Variants in BACE2 observed in about 807,000 individuals in gnomAD.
BACE2 encodes 56 kDa aspartic-like protease.
In BACE2, 17 loss-of-function variants were observed where a neutral mutation model predicts 46.2. The observed-to-expected ratio is 0.37, with a 90% CI of 0.25 to 0.55. The LOEUF (loss-of-function observed/expected upper bound fraction) is 0.55, where lower values mean the gene tolerates loss of function less well. Ranked by LOEUF, BACE2 falls within the 20% of genes least tolerant of loss-of-function variation. The pLI is 0.82. For synonymous variants in BACE2, 277 were observed against 295.9 expected (o/e 0.94, Z 0.66); for missense variants, 595 against 698.1 (o/e 0.85, Z 1.66).
At chr21:41,245,116 A>G (rs1192671392) in intron 5 of BACE2, among the ~76,000 whole-genome samples, 2 of 152,248 alleles carry the variant, frequency 1.3e-5, no homozygotes, top group Non-Finnish European at 2.9e-5. Context: ...GTTAGATTTT[A>G]AATTAAGTTT....
At chr21:41,219,985 C>A (rs1442592209) in intron 1 of BACE2, among the ~76,000 whole-genome samples, 1 of 152,202 alleles carries the variant, frequency 6.6e-6, no homozygotes, top group Non-Finnish European at 1.5e-5. Flanking sequence ...AGACTGCCCC[C>A]AGCTTCCATG....
At chr21:41,199,269 G>A (rs1284720823) in intron 1 of BACE2, among the ~76,000 whole-genome samples, 1 of 152,042 alleles carries the variant, frequency 6.6e-6, no homozygotes, top group Non-Finnish European at 1.5e-5. Context: ...GGAGCTGGCT[G>A]CCGGAGTCCC....
intron 2 of BACE2, among the ~76,000 whole-genome samples, chr21:41,227,011 C>T (rs896545320): frequency 9.9e-5 from 15 of 152,214 alleles, no homozygotes; most frequent in African/African-American, 1.7e-4. Flanking sequence ...TGCAGGCTTC[C>T]GAGCAGCCCT....
chr21:41,211,862 A>T (rs1986312653), intron 1 of BACE2, among the ~76,000 whole-genome samples: 1 of 152,242 alleles, frequency 6.6e-6, no homozygotes, highest in Admixed American at 6.5e-5. Context: ...GCAATTAGCA[A>T]ATGGCTTTCT....
At chr21:41,192,561 G>C (rs567490378) in intron 1 of BACE2, among the ~76,000 whole-genome samples, 2 of 152,204 alleles carry the variant, frequency 1.3e-5, no homozygotes, top group East Asian at 3.9e-4. Flanking sequence ...GTTATCTGAA[G>C]AAGATGGCAG....
chr21:41,219,653 A>G (rs1403343180), intron 1 of BACE2, among the ~76,000 whole-genome samples: 1 of 152,198 alleles, frequency 6.6e-6, no homozygotes, highest in East Asian at 1.9e-4. Flanking sequence ...TCCTTCACTT[A>G]CTTTGACCTG....
At chr21:41,245,914 G>C in intron 5 of BACE2, 48 bp from the exon 6 acceptor site, 1 of 1,454,620 alleles carries the variant, frequency 6.9e-7, no homozygotes, top group Non-Finnish European at 9.4e-7. Flanking sequence ...GTGGGGCGGG[G>C]AGCGCCACTG....
chr21:41,194,997 C>T (rs557476912), intron 1 of BACE2, among the ~76,000 whole-genome samples: 17 of 152,320 alleles, frequency 1.1e-4, no homozygotes, highest in African/African-American at 3.6e-4. Flanking sequence ...TCGTCAGGAA[C>T]GGGTCAAGGC....
Position 41,234,784 on chromosome 21 carries a change from A to G in BACE2, c.402-2729A>G, listed in dbSNP as rs186578714. 2.9e-3 allele frequency among the ~76,000 whole-genome samples: 435 copies of G among 152,346 alleles called. 2 individuals carry two copies. The highest frequency in any genetic ancestry group is 9.9e-3 in the African/African-American group (410 of 41,578). ...GGCACTAACACTTGGCATTCCGCCA[A>G]TCTTCAAATACCCCATTTCAAAGAC... On this transcript the variant is annotated intron_variant, in intron 2 of 8. Transcript: ENST00000330333.
intron 7 of BACE2, among the ~76,000 whole-genome samples, 190 bp downstream of exon 7, chr21:41,251,091 G>A (rs776916404): frequency 1.3e-5 from 2 of 152,190 alleles, no homozygotes; most frequent in African/African-American, 2.4e-5. Flanking sequence ...GCTCACTCAC[G>A]TGTCTCTACT....
At chr21:41,263,219 C>G (rs569179146) in intron 8 of BACE2, among the ~76,000 whole-genome samples, 6 of 152,270 alleles carry the variant, frequency 3.9e-5, no homozygotes, top group African/African-American at 1.2e-4. Flanking sequence ...TATGCCTACT[C>G]TATAATCAAC....
At chr21:41,243,866 G>T (rs1023186629) in intron 5 of BACE2, among the ~76,000 whole-genome samples, 1 of 152,154 alleles carries the variant, frequency 6.6e-6, no homozygotes, top group African/African-American at 2.4e-5. Context: ...ATCAGTGTAG[G>T]ACAGAGAAGG....
At chr21:41,182,855 C>T (rs915322632) in intron 1 of BACE2, 1 of 166,988 alleles carries the variant, frequency 6.0e-6, no homozygotes, top group African/African-American at 2.4e-5. Flanking sequence ...TTCTTTATAT[C>T]CTTCCTTGCA....
chr21:41,232,283 G>A (rs1233506306), intron 2 of BACE2, among the ~76,000 whole-genome samples: 1 of 152,168 alleles, frequency 6.6e-6, no homozygotes, highest in Non-Finnish European at 1.5e-5. Flanking sequence ...TTGCACAAGA[G>A]CTTGAAGCGT....
At chr21:41,227,589 G>A (rs904269638) in intron 2 of BACE2, among the ~76,000 whole-genome samples, 3 of 152,172 alleles carry the variant, frequency 2.0e-5, no homozygotes, top group East Asian at 1.9e-4. Context: ...CCTCCTGCAC[G>A]TATGGCTGCA....
At chr21:41,237,460 A>T in intron 2 of BACE2, 53 bp from the exon 3 acceptor site, 1 of 1,285,892 alleles carries the variant, frequency 7.8e-7, no homozygotes, top group Non-Finnish European at 1.0e-6. Context: ...ATAAATAAAT[A>T]AAAATAAAAT....
intron 1 of BACE2, chr21:41,175,754 G>C (rs1239908759): frequency 6.6e-6 from 1 of 152,274 alleles, no homozygotes; most frequent in African/African-American, 2.4e-5. Flanking sequence ...AGCAATGCCA[G>C]GGTTAATATG....
intron 3 of BACE2, 138 bp from the exon 4 acceptor site, chr21:41,241,681 A>G (rs1270630848): frequency 3.1e-6 from 3 of 952,418 alleles, no homozygotes; most frequent in Non-Finnish European, 4.7e-6. Flanking sequence ...ACCCAATCAC[A>G]AGCTGGTGTA....
chr21:41,234,582 C>A (rs1029849047), intron 2 of BACE2, among the ~76,000 whole-genome samples: 10 of 152,186 alleles, frequency 6.6e-5, no homozygotes, highest in Non-Finnish European at 1.5e-4. Flanking sequence ...AAATTGCCAA[C>A]CTCTGTTCTA....
Sources: gnomAD v4.1 joint callset for allele counts (sites outside exome capture counted in the v4.1 genomes callset) on GRCh38, gnomAD v4.1.1 for gene constraint, MANE v1.5 for transcripts, NCBI Gene and HGNC (gene_info 2026-07-23, HGNC 2026-07-21) for gene names.